RGS6: variants seen among roughly 807,000 people sequenced by gnomAD.
RGS6 encodes regulator of G-protein signaling 6.
RGS6 carries 30 observed loss-of-function variants against 78.5 expected under a neutral mutation model. That is an observed-to-expected ratio of 0.38 (90% CI 0.29 to 0.52). RGS6 has a LOEUF of 0.52. Among genes scored for constraint, RGS6 ranks in the 20% least tolerant of loss-of-function variants. The pLI is 0.85. For missense variants in RGS6, 495 were observed against 609.7 expected, an observed-to-expected ratio of 0.81 and a Z score of 1.98; for synonymous variants, 206 against 206.0, an observed-to-expected ratio of 1.00 and a Z score of 0.00.
At chr14:72,304,745 G>A (rs2066858767) in intron 2 of RGS6, among the ~76,000 whole-genome samples, 1 of 152,040 alleles carries the variant, frequency 6.6e-6, no homozygotes, top group Non-Finnish European at 1.5e-5. Flanking sequence ...TGGGCGTGGT[G>A]GCATGTGTCT....
chr14:72,067,897 A>C (rs1032233538), intron 2 of RGS6, among the ~76,000 whole-genome samples: 1 of 152,196 alleles, frequency 6.6e-6, no homozygotes, highest in Non-Finnish European at 1.5e-5. Context: ...CTGGCTAGAC[A>C]TGCAGAATCA....
the RGS6 span, among the ~76,000 whole-genome samples, chr14:72,602,375 G>C: frequency 7.2e-5 from 11 of 152,328 alleles, no homozygotes; most frequent in Admixed American, 1.3e-4. Flanking sequence ...ATACACATGT[G>C]ACTGTGTTTA....
At chr14:72,394,516 C>T (rs910295884) in intron 3 of RGS6, among the ~76,000 whole-genome samples, 1 of 152,198 alleles carries the variant, frequency 6.6e-6, no homozygotes, top group African/African-American at 2.4e-5. Flanking sequence ...ACTAAGAATG[C>T]ACTCTCTTTC....
intron 3 of RGS6, among the ~76,000 whole-genome samples, chr14:72,448,887 C>A (rs2153224178): frequency 6.6e-6 from 1 of 152,310 alleles, no homozygotes; most frequent in South Asian, 2.1e-4. Context: ...TTGAGCCTCT[C>A]TGGGCCTAAT....
chr14:72,027,178 G>T lies in RGS6; in HGVS notation c.84+62303G>T, dbSNP rs146772083. ...ATTTTGCTTCAAGTCCAACGGGGAG[G>T]CAGGAAACCACCCAGGGAAGGACTA... On this transcript the variant is annotated intron_variant, in intron 2 of 17. Coordinates refer to ENST00000553525, the MANE Select transcript of RGS6 (RefSeq NM_001204424.2). 2.1e-3 allele frequency among the ~76,000 whole-genome samples: 314 copies of T among 152,096 alleles called. 1 individual carries two copies. Among genetic ancestry groups the T allele is most frequent in the African/African-American group, 7.2e-3 (299 of 41,472 alleles).
At chr14:72,361,972 A>T (rs1265639508) in intron 3 of RGS6, among the ~76,000 whole-genome samples, 1 of 152,214 alleles carries the variant, frequency 6.6e-6, no homozygotes, top group African/African-American at 2.4e-5. Flanking sequence ...GGGAAGCAGG[A>T]CCACTGGGGA....
At chr14:72,629,853 T>C in the RGS6 span, 2 of 850,492 alleles carry the variant, frequency 2.4e-6, no homozygotes, top group Non-Finnish European at 3.7e-6. Flanking sequence ...TAGCATGACG[T>C]AGGGAAAAAA....
intron 2 of RGS6, among the ~76,000 whole-genome samples, chr14:72,297,545 G>C (rs963962769): frequency 1.3e-5 from 2 of 149,162 alleles, no homozygotes; most frequent in African/African-American, 4.9e-5. Context: ...TCTAGCCTTA[G>C]GTATATCTCC....
intron 2 of RGS6, among the ~76,000 whole-genome samples, chr14:71,966,122 ACTCT>A (rs368355289): frequency 6.6e-6 from 1 of 152,144 alleles, no homozygotes; most frequent in Non-Finnish European, 1.5e-5. Context: ...ATTTAAACTA[ACTCT>A]CTTGTATGTT....
At chr14:72,480,051 G>A (rs1033157965) in intron 12 of RGS6, among the ~76,000 whole-genome samples, 2 of 152,222 alleles carry the variant, frequency 1.3e-5, no homozygotes, top group Non-Finnish European at 1.5e-5. Flanking sequence ...TAATCCAGGT[G>A]AGGGAGGGGG....
chr14:71,914,912 GAA>G, the RGS6 span, among the ~76,000 whole-genome samples: 1 of 151,834 alleles, frequency 6.6e-6, no homozygotes, highest in Non-Finnish European at 1.5e-5. Context: ...AGTGACATAA[GAA>G]ATGAATGTGA....
At chr14:72,102,248 T>C (rs1156963086) in intron 2 of RGS6, among the ~76,000 whole-genome samples, 1 of 152,228 alleles carries the variant, frequency 6.6e-6, no homozygotes, top group Non-Finnish European at 1.5e-5. Context: ...CCTAACACAG[T>C]AGCTCCTGCT....
At chr14:72,236,455 T>C (rs921879114) in intron 2 of RGS6, among the ~76,000 whole-genome samples, 6 of 152,232 alleles carry the variant, frequency 3.9e-5, no homozygotes, top group Non-Finnish European at 7.3e-5. Context: ...TTTCCATTCA[T>C]TGAGTTTTGA....
chr14:72,262,797 A>C (rs1410934196), intron 2 of RGS6, among the ~76,000 whole-genome samples: 1 of 152,212 alleles, frequency 6.6e-6, no homozygotes, highest in Non-Finnish European at 1.5e-5. Context: ...CTCACATAGC[A>C]GATGGCCAAG....
At chr14:72,531,288 C>G (rs1347029540) in intron 15 of RGS6, among the ~76,000 whole-genome samples, 1 of 152,152 alleles carries the variant, frequency 6.6e-6, no homozygotes, top group Non-Finnish European at 1.5e-5. Flanking sequence ...AAAAAATCAG[C>G]TGGGTGTGGT....
At chr14:72,293,450 G>A (rs2064031688) in intron 2 of RGS6, among the ~76,000 whole-genome samples, 1 of 152,080 alleles carries the variant, frequency 6.6e-6, no homozygotes, top group South Asian at 2.1e-4. Context: ...GCTAGTGTTT[G>A]TTTTCTCTCT....
At chr14:72,424,500 A>T (rs2094347531) in intron 3 of RGS6, among the ~76,000 whole-genome samples, 1 of 152,004 alleles carries the variant, frequency 6.6e-6, no homozygotes, top group Non-Finnish European at 1.5e-5. Context: ...TTTTGGTGAA[A>T]ACTCTTAAAG....
intron 2 of RGS6, among the ~76,000 whole-genome samples, chr14:72,291,082 G>A (rs1272756765): frequency 6.6e-6 from 1 of 151,640 alleles, no homozygotes; most frequent in Non-Finnish European, 1.5e-5. Context: ...CTGGGGCCAG[G>A]CTATACCTAG....
chr14:72,190,194 C>G (rs1385999906), intron 2 of RGS6, among the ~76,000 whole-genome samples: 1 of 152,200 alleles, frequency 6.6e-6, no homozygotes, highest in Non-Finnish European at 1.5e-5. Context: ...CCCTGAGCCT[C>G]TCTCCCTAGG....
Sources: gnomAD v4.1 joint callset for allele counts (sites outside exome capture counted in the v4.1 genomes callset) on GRCh38, gnomAD v4.1.1 for gene constraint, MANE v1.5 for transcripts, NCBI Gene and HGNC (gene_info 2026-07-23, HGNC 2026-07-21) for gene names.